The following ZNF175 variants were observed in gnomAD, a reference collection of about 807,000 sequenced individuals.
The protein encoded by ZNF175 is zinc finger protein OTK18.
In ZNF175, 8 loss-of-function variants were observed where a neutral mutation model predicts 14.0. The observed-to-expected ratio is 0.57, with a 90% CI of 0.34 to 1.03. The LOEUF is 1.03. ZNF175 is among the 50% of genes least tolerant of loss of function. ZNF175 has a pLI of 0.03. For synonymous variants in ZNF175, 255 were observed against 296.8 expected, an observed-to-expected ratio of 0.86 and a Z score of 1.45; for missense variants, 764 against 849.5, an observed-to-expected ratio of 0.90 and a Z score of 1.25.
At chr19:51,572,689 T>C (rs1981635372) in intron 1 of ZNF175, among the ~76,000 whole-genome samples, 1 of 152,206 alleles carries the variant, frequency 6.6e-6, no homozygotes, top group South Asian at 2.1e-4. Flanking sequence ...ATTTACAGAC[T>C]GAGTAACCTT....
chr19:51,584,412 A>G (rs1156609081), intron 4 of ZNF175, among the ~76,000 whole-genome samples: 1 of 152,214 alleles, frequency 6.6e-6, no homozygotes, highest in African/African-American at 2.4e-5. Context: ...CGACATTGTT[A>G]GGCTGTGTTG....
At chr19:51,582,144 G>C (rs190898350) in intron 4 of ZNF175, among the ~76,000 whole-genome samples, 177 of 152,300 alleles carry the variant, frequency 1.2e-3, no homozygotes, top group African/African-American at 3.7e-3. Context: ...CAACCATATT[G>C]CTCTTCTGAT....
chr19:51,587,978 T>C lies in ZNF175; in HGVS notation c.1647T>C (p.His549=). ...ACCAGAAGTCAATACTCAGCATGCA[T>C]CAGAGAATTCACACCGGAGAGAAGC... ...AFNQKSILSM[H]QRIHTGEKPY... The change falls in exon 5 of 5, where the codon CAT becomes CAC. Residue 549 remains histidine, a synonymous_variant. Coordinates refer to ENST00000262259, the MANE Select transcript of ZNF175 (RefSeq NM_007147.4). 6.2e-7 allele frequency: 1 copy of C among 1,614,132 alleles called. No homozygotes were observed.
intron 2 of ZNF175, among the ~76,000 whole-genome samples, chr19:51,577,432 A>C (rs762974489): frequency 6.6e-6 from 1 of 151,406 alleles, no homozygotes; most frequent in Non-Finnish European, 1.5e-5. Flanking sequence ...GAATTTCTCA[A>C]CTTTATTTTC....
intron 4 of ZNF175, among the ~76,000 whole-genome samples, chr19:51,585,797 T>C (rs973923764): frequency 6.6e-6 from 1 of 152,156 alleles, no homozygotes. Flanking sequence ...AAAGGCATAT[T>C]TGATAGCATA....
At position 51,587,988 on chromosome 19, in the gene ZNF175, C is replaced by T. The variant is rs1982228095; in HGVS notation, c.1657C>T (p.His553Tyr). The T allele has an allele frequency of 1.9e-6, 3 of 1,614,086 alleles. No individual in the cohort carries two copies. Among genetic ancestry groups the T allele is most frequent in the Non-Finnish European group, 2.5e-6 (3 of 1,180,028 alleles). The change falls in exon 5 of 5, where the codon CAC (histidine) becomes TAC (tyrosine). Residue 553 changes from histidine to tyrosine, a missense_variant. Coordinates refer to ENST00000262259, the MANE Select transcript of ZNF175 (RefSeq NM_007147.4). ...AATACTCAGCATGCATCAGAGAATT[C>T]ACACCGGAGAGAAGCCTTACAAATG... ...KSILSMHQRIHTGEKPYKCSE... is the reference protein window; with the variant it reads ...KSILSMHQRIYTGEKPYKCSE...
rs770331722 is a variant in ZNF175, at chr19:51,588,485, A to G, written c.*18A>G. ...AGCAATGAATTCCTAGTGCATCAGC[A>G]TATTCATAAATGAAATATACTCCGA... On this transcript the variant is annotated 3_prime_UTR_variant, in exon 5 of 5. Coordinates refer to ENST00000262259, the MANE Select transcript of ZNF175 (RefSeq NM_007147.4). 9.9e-6 allele frequency: 15 copies of G among 1,515,646 alleles called. No individual in the cohort carries two copies. The highest frequency in any genetic ancestry group is 1.1e-5 in the Non-Finnish European group (12 of 1,140,218). 93.9% of individuals were successfully genotyped at this position (1,515,646 alleles called of 1,614,324 possible).
rs1981648075 is a variant in ZNF175, at chr19:51,573,141, T to G, written c.-180-9T>G. 1.6e-6 allele frequency: 1 copy of G among 624,840 alleles called. No homozygotes were observed. The highest frequency in any genetic ancestry group is 3.3e-5 in the Admixed American group (1 of 30,700). The allele number at this position is 624,840 out of a possible 1,614,324, so 38.7% of individuals were successfully genotyped here. A position where few individuals can be genotyped will look rare whatever the true frequency, so the allele number is the denominator to read the frequency against. ...GAATGAGTGACCATGTACTCATTGCTTTTCCAAGGCTTCTGCAGAACCCCC... is the reference window on the plus strand; with the variant it reads ...GAATGAGTGACCATGTACTCATTGCGTTTCCAAGGCTTCTGCAGAACCCCC... On this transcript the variant is annotated splice_polypyrimidine_tract_variant and intron_variant, in intron 1 of 4. Coordinates refer to ENST00000262259, the MANE Select transcript of ZNF175 (RefSeq NM_007147.4).
At chr19:51,586,518 A>C in intron 4 of ZNF175, 109 bp from the exon 5 acceptor site, 1 of 1,060,658 alleles carries the variant, frequency 9.4e-7, no homozygotes, top group Non-Finnish European at 1.4e-6. Context: ...CATTAGCAGC[A>C]TTATTACATG....
At chr19:51,581,961 C>G (rs1426981796) in intron 4 of ZNF175, 79 bp downstream of exon 4, 14 of 1,343,612 alleles carry the variant, frequency 1.0e-5, no homozygotes, top group Non-Finnish European at 1.5e-5. Flanking sequence ...TCTATTCCCT[C>G]CATTCCCCCA....
chr19:51,577,404 T>C (rs1252298549), intron 2 of ZNF175, among the ~76,000 whole-genome samples: 1 of 152,186 alleles, frequency 6.6e-6, no homozygotes, highest in East Asian at 1.9e-4. Flanking sequence ...TCTTTGGTTT[T>C]GGACCCTCTT....
chr19:51,584,417 G>C (rs1188535813), intron 4 of ZNF175, among the ~76,000 whole-genome samples: 1 of 152,220 alleles, frequency 6.6e-6, no homozygotes, highest in East Asian at 1.9e-4. Flanking sequence ...TTGTTAGGCT[G>C]TGTTGGAGAG....
At chr19:51,578,657 AC>A (rs1196804825) in intron 2 of ZNF175, among the ~76,000 whole-genome samples, 1 of 152,092 alleles carries the variant, frequency 6.6e-6, no homozygotes, top group East Asian at 1.9e-4. Context: ...GATCCCAGCT[AC>A]TCAGGAGGCT....
chr19:51,588,883 A>G lies in ZNF175; in HGVS notation c.*416A>G, dbSNP rs1982264914. Reference sequence around the variant, plus strand: ...ATATTTTTAAAGTGCCAACACAGTCATGATAGGACAATATTTTATGTGTGT... The same window carrying G: ...ATATTTTTAAAGTGCCAACACAGTCGTGATAGGACAATATTTTATGTGTGT... On this transcript the variant is annotated 3_prime_UTR_variant, in exon 5 of 5. Coordinates refer to ENST00000262259, the MANE Select transcript of ZNF175 (RefSeq NM_007147.4). The G allele has an allele frequency of 5.0e-6, 2 of 400,812 alleles. No homozygotes were observed. Among genetic ancestry groups the G allele is most frequent in the Non-Finnish European group, 8.8e-6 (2 of 227,930 alleles). The allele number at this position is 400,812 out of a possible 1,614,324, so 24.8% of individuals were successfully genotyped here.
chr19:51,586,997 G>A lies in ZNF175; in HGVS notation c.666G>A (p.Gln222=). Residue 222 remains glutamine, a synonymous_variant, in exon 5 of 5, where the codon CAG becomes CAA. Coordinates refer to ENST00000262259, the MANE Select transcript of ZNF175 (RefSeq NM_007147.4). ...NGQNESNDTE[Q]LDDVVGSGQL... is the part of the protein sequence containing the mutation. Reference sequence around the variant, plus strand: ...AGAATGAAAGCAATGACACAGAACAGCTTGATGACGTTGTTGGGTCTGGTC... The same window carrying A: ...AGAATGAAAGCAATGACACAGAACAACTTGATGACGTTGTTGGGTCTGGTC... The A allele has an allele frequency of 6.2e-7, 1 of 1,614,216 alleles. No individual in the cohort carries two copies. The highest frequency in any genetic ancestry group is 8.5e-7 in the Non-Finnish European group (1 of 1,180,020).
chr19:51,586,205 T>C (rs1982157793), intron 4 of ZNF175, among the ~76,000 whole-genome samples: 1 of 152,148 alleles, frequency 6.6e-6, no homozygotes, highest in Non-Finnish European at 1.5e-5. Flanking sequence ...GCAACACTTG[T>C]CTGTTTTATC....
chr19:51,577,713 G>A (rs1304887683), intron 2 of ZNF175, among the ~76,000 whole-genome samples: 5 of 145,724 alleles, frequency 3.4e-5, no homozygotes, highest in South Asian at 2.1e-4. Flanking sequence ...GCCCAGGCTG[G>A]AGTGCAGTGG....
intron 2 of ZNF175, chr19:51,574,093 T>C (rs1981690315): frequency 6.6e-6 from 1 of 152,252 alleles, no homozygotes; most frequent in Admixed American, 6.5e-5. Context: ...AAATAGTATG[T>C]GACTATAATA....
chr19:51,581,589 G>A (rs902151351), intron 3 of ZNF175, 72 bp downstream of exon 3: 19 of 1,560,664 alleles, frequency 1.2e-5, no homozygotes, highest in South Asian at 8.5e-5. Flanking sequence ...ATTGCAGAAC[G>A]CAGTGGGATA....
Sources: gnomAD v4.1 joint callset for allele counts (sites outside exome capture counted in the v4.1 genomes callset) on GRCh38, gnomAD v4.1.1 for gene constraint, MANE v1.5 for transcripts, NCBI Gene and HGNC (gene_info 2026-07-23, HGNC 2026-07-21) for gene names.